LRRC1: variants seen among roughly 807,000 people sequenced by gnomAD.
LRRC1 encodes leucine rich repeat containing 1, also known as leucine-rich repeat-containing protein 1.
In LRRC1, 28 loss-of-function variants were observed where a neutral mutation model predicts 69.9. That is an observed-to-expected ratio of 0.40 (90% confidence interval 0.30 to 0.55). The LOEUF (loss-of-function observed/expected upper bound fraction) is 0.55, where lower values mean the gene tolerates loss of function less well. Among genes scored for constraint, LRRC1 ranks in the 20% least tolerant of loss-of-function variants. The pLI, the probability that LRRC1 is intolerant of heterozygous loss-of-function variation, is 0.47. For missense variants in LRRC1, 498 were observed against 609.0 expected (o/e 0.82, Z 1.92); for synonymous variants, 236 against 240.2 (o/e 0.98, Z 0.16).
At chr6:53,819,223 G>A (rs1481747683) in intron 1 of LRRC1, among the ~76,000 whole-genome samples, 3 of 152,138 alleles carry the variant, frequency 2.0e-5, no homozygotes, top group Admixed American at 6.6e-5. Context: ...TTAAAAATAG[G>A]CATTTTGGAG....
intron 5 of LRRC1, 48 bp downstream of exon 5, chr6:53,896,602 A>C (rs1418277660): frequency 1.6e-5 from 25 of 1,531,632 alleles, no homozygotes; most frequent in Non-Finnish European, 2.3e-5. Flanking sequence ...GAATGAATTT[A>C]AGTATTTAAA....
intron 1 of LRRC1, among the ~76,000 whole-genome samples, chr6:53,841,466 C>G (rs918809882): frequency 2.0e-5 from 3 of 152,172 alleles, no homozygotes; most frequent in African/African-American, 7.2e-5. Context: ...CTTTCATTTT[C>G]TGTCTTCATG....
rs768627911 is a variant in LRRC1, at chr6:53,899,902, G to T, written c.787+11G>T. 8.1e-6 allele frequency: 13 copies of T among 1,612,594 alleles called. No individual in the cohort carries two copies. The highest frequency in any genetic ancestry group is 1.1e-5 in the Non-Finnish European group (13 of 1,179,252). ...TTCCGGATGGCATTGGTAAGCATTG[G>T]AAATCACTAACTGCTAAACATACTG... is the stretch of plus-strand genomic sequence containing the variant. On this transcript the variant is annotated intron_variant, in intron 8 of 13. Transcript: ENST00000370888.
intron 1 of LRRC1, among the ~76,000 whole-genome samples, chr6:53,805,627 A>G (rs1764615771): frequency 6.6e-6 from 1 of 152,240 alleles, no homozygotes; most frequent in South Asian, 2.1e-4. Flanking sequence ...ATCTGTAAAA[A>G]GAAGGTAATA....
intron 2 of LRRC1, among the ~76,000 whole-genome samples, chr6:53,856,369 A>G (rs1327115164): frequency 2.0e-5 from 3 of 152,210 alleles, no homozygotes; most frequent in African/African-American, 7.2e-5. Flanking sequence ...GTGATGACAC[A>G]GGACAGTGTG....
At chr6:53,876,388 C>G (rs1767070943) in intron 2 of LRRC1, among the ~76,000 whole-genome samples, 1 of 151,978 alleles carries the variant, frequency 6.6e-6, no homozygotes, top group East Asian at 1.9e-4. Context: ...TGCCCCTGGC[C>G]CCTCCCAAAT....
At chr6:53,797,458 C>T (rs1410265739) in intron 1 of LRRC1, among the ~76,000 whole-genome samples, 1 of 152,096 alleles carries the variant, frequency 6.6e-6, no homozygotes, top group Admixed American at 6.5e-5. Flanking sequence ...TGTTCCATCC[C>T]TTCCATTCTT....
chr6:53,810,354 C>T (rs1328185531), intron 1 of LRRC1, among the ~76,000 whole-genome samples: 1 of 152,248 alleles, frequency 6.6e-6, no homozygotes, highest in Admixed American at 6.5e-5. Flanking sequence ...GGCATGGTGG[C>T]TCACACCTGT....
At chr6:53,796,352 C>T (rs2127400188) in intron 1 of LRRC1, among the ~76,000 whole-genome samples, 1 of 152,230 alleles carries the variant, frequency 6.6e-6, no homozygotes, top group East Asian at 1.9e-4. Flanking sequence ...TAGAGTAACC[C>T]CTCGGGGAAG....
chr6:53,837,883 A>G (rs1182652191), intron 1 of LRRC1, among the ~76,000 whole-genome samples: 1 of 152,212 alleles, frequency 6.6e-6, no homozygotes, highest in Non-Finnish European at 1.5e-5. Flanking sequence ...GTGTAGCATA[A>G]CAACCCGAGG....
At chr6:53,795,440 G>C (rs753681996) in intron 1 of LRRC1, 25 bp downstream of exon 1, 8 of 1,593,132 alleles carry the variant, frequency 5.0e-6, no homozygotes, top group African/African-American at 1.3e-5. Flanking sequence ...TCACCTGAGC[G>C]CTCTGCCCGC....
Position 53,919,619 on chromosome 6 carries a change from A to G in LRRC1, c.1228A>G (p.Ile410Val). ...CACAGACTACACCACAGGAGAGAAGATTTTAACCTGTGTCTTACTTCCTCA... is the reference window on the plus strand; with the variant it reads ...CACAGACTACACCACAGGAGAGAAGGTTTTAACCTGTGTCTTACTTCCTCA... ...TDTDYTTGEK[I>V]LTCVLLPQLP... The change falls in exon 12 of 14, where the codon ATT becomes GTT. Residue 410 changes from isoleucine (I) to valine (V), a missense_variant. Physicochemically the swap from Ile to Val is conservative, Grantham distance 29. Transcript: ENST00000370888. 6.2e-7 allele frequency: 1 copy of G among 1,613,820 alleles called. No individual in the cohort carries two copies. Among genetic ancestry groups the G allele is most frequent in the Middle Eastern group, 1.6e-4 (1 of 6,062 alleles).
chr6:53,905,883 TG>T (rs1345568319), intron 10 of LRRC1, among the ~76,000 whole-genome samples: 1 of 152,246 alleles, frequency 6.6e-6, no homozygotes, highest in Non-Finnish European at 1.5e-5. Context: ...TCAGCAAAAC[TG>T]GGACTCAACT....
At chr6:53,829,082 A>G (rs746151063) in intron 1 of LRRC1, among the ~76,000 whole-genome samples, 1 of 152,246 alleles carries the variant, frequency 6.6e-6, no homozygotes, top group Non-Finnish European at 1.5e-5. Flanking sequence ...ACAAACAGCC[A>G]GTAAACTGTT....
At chr6:53,919,476 T>TAAA in intron 11 of LRRC1, 22 bp from the exon 12 acceptor site, 1 of 1,226,238 alleles carries the variant, frequency 8.2e-7, no homozygotes, top group South Asian at 1.6e-5. Flanking sequence ...GTCTCTTTTT[T>TAAA]TAAAAAAAAA....
chr6:53,882,241 A>G (rs987852817), intron 3 of LRRC1, among the ~76,000 whole-genome samples: 7 of 152,180 alleles, frequency 4.6e-5, no homozygotes, highest in African/African-American at 1.7e-4. Context: ...CCAGCTACTC[A>G]GGAAGCTAAG....
intron 1 of LRRC1, among the ~76,000 whole-genome samples, chr6:53,825,217 A>G (rs1765224059): frequency 6.6e-6 from 1 of 152,220 alleles, no homozygotes; most frequent in Admixed American, 6.5e-5. Flanking sequence ...GGTGTACTTC[A>G]TAATGGCAAT....
At chr6:53,855,472 C>CA (rs1766280341) in intron 2 of LRRC1, among the ~76,000 whole-genome samples, 3 of 152,182 alleles carry the variant, frequency 2.0e-5, no homozygotes, top group Admixed American at 6.5e-5. Flanking sequence ...ACCTAAGTAA[C>CA]ACCAGAGAGG....
chr6:53,903,459 C>G (rs944532363), intron 9 of LRRC1, among the ~76,000 whole-genome samples: 6 of 152,164 alleles, frequency 3.9e-5, no homozygotes, highest in African/African-American at 1.4e-4. Context: ...CCTTCCCCCA[C>G]TTTTAGTTGT....
Sources: gnomAD v4.1 joint callset for allele counts (sites outside exome capture counted in the v4.1 genomes callset) on GRCh38, gnomAD v4.1.1 for gene constraint, MANE v1.5 for transcripts, NCBI Gene and HGNC (gene_info 2026-07-23, HGNC 2026-07-21) for gene names.